Variants in PDE1A observed in about 807,000 individuals in gnomAD.
The protein encoded by PDE1A is phosphodiesterase 1A.
A neutral mutation model predicts 61.7 loss-of-function variants in PDE1A; 35 were observed. The observed-to-expected ratio is 0.57, with a 90% confidence interval of 0.43 to 0.75. PDE1A has a LOEUF of 0.75. Among genes scored for constraint, PDE1A ranks in the 30% least tolerant of loss-of-function variants. The pLI is 0.00. For missense variants in PDE1A, 597 were observed against 630.6 expected, an observed-to-expected ratio of 0.95 and a Z score of 0.57; for synonymous variants, 232 against 213.2, an observed-to-expected ratio of 1.09 and a Z score of -0.77.
intron 13 of PDE1A, among the ~76,000 whole-genome samples, chr2:182,173,258 A>G (rs1340722962): frequency 6.6e-6 from 1 of 152,060 alleles, no homozygotes; most frequent in Non-Finnish European, 1.5e-5. Context: ...AGTAGTCCAG[A>G]TGATGCTGAT....
intron 7 of PDE1A, among the ~76,000 whole-genome samples, chr2:182,215,356 C>G (rs1223991021): frequency 3.5e-5 from 4 of 112,964 alleles, no homozygotes; most frequent in Non-Finnish European, 7.2e-5. Context: ...ATTAAAAGAA[C>G]TAGAAAAGCA....
chr2:182,512,433 T>A (rs565392751), intron 2 of PDE1A, among the ~76,000 whole-genome samples: 1 of 152,186 alleles, frequency 6.6e-6, no homozygotes, highest in African/African-American at 2.4e-5. Flanking sequence ...TGAAAGAATA[T>A]AAAAGCAAAA....
chr2:182,268,371 A>G (rs768047412), intron 1 of PDE1A, among the ~76,000 whole-genome samples: 1 of 152,080 alleles, frequency 6.6e-6, no homozygotes, highest in Admixed American at 6.6e-5. Context: ...ATAAATATCT[A>G]TATATAGATA....
At chr2:182,193,574 T>G (rs1559164474) in intron 10 of PDE1A, among the ~76,000 whole-genome samples, 2 of 151,986 alleles carry the variant, frequency 1.3e-5, no homozygotes, top group South Asian at 4.1e-4. Context: ...TTTGGAAAAT[T>G]TAAGGAATTT....
chr2:182,524,217 C>T (rs1370986427), upstream of PDE1A, among the ~76,000 whole-genome samples: 3 of 152,102 alleles, frequency 2.0e-5, no homozygotes, highest in African/African-American at 7.2e-5. Flanking sequence ...TTTAATGAAA[C>T]AGTCAACAAA....
chr2:182,372,696 C>T (rs1012089991), intron 1 of PDE1A, among the ~76,000 whole-genome samples: 8 of 152,096 alleles, frequency 5.3e-5, no homozygotes, highest in Non-Finnish European at 8.8e-5. Context: ...GTCCAAATTC[C>T]AAAGTTATTC....
intron 2 of PDE1A, among the ~76,000 whole-genome samples, chr2:182,451,889 T>C (rs1235243085): frequency 6.6e-6 from 1 of 152,122 alleles, no homozygotes; most frequent in Non-Finnish European, 1.5e-5. Flanking sequence ...TTTTTCCTTT[T>C]TCTCTCATTC....
At chr2:182,334,728 T>C (rs1697668779) in intron 1 of PDE1A, among the ~76,000 whole-genome samples, 1 of 152,096 alleles carries the variant, frequency 6.6e-6, no homozygotes, top group African/African-American at 2.4e-5. Context: ...AAAAAGGATG[T>C]CCTCTTTCAC....
the PDE1A span, among the ~76,000 whole-genome samples, chr2:182,557,851 T>C: frequency 6.6e-6 from 1 of 152,198 alleles, no homozygotes; most frequent in Admixed American, 6.5e-5. Flanking sequence ...ATCCATAGCT[T>C]GAGCAAATCT....
At chr2:182,619,978 A>AT in the PDE1A span, among the ~76,000 whole-genome samples, 3 of 152,232 alleles carry the variant, frequency 2.0e-5, no homozygotes, top group South Asian at 6.2e-4. Flanking sequence ...CCCATCCATA[A>AT]GGGTAGAATC....
chr2:182,448,250 CTTCT>C (rs1685270115), intron 2 of PDE1A, among the ~76,000 whole-genome samples: 1 of 152,026 alleles, frequency 6.6e-6, no homozygotes, highest in African/African-American at 2.4e-5. Context: ...TCACTCCTTT[CTTCT>C]TTATTTTAAA....
intron 1 of PDE1A, among the ~76,000 whole-genome samples, chr2:182,281,206 T>C (rs1051463000): frequency 1.3e-5 from 2 of 151,976 alleles, no homozygotes; most frequent in African/African-American, 4.8e-5. Context: ...AATTTTGTGT[T>C]TTCATCAGTT....
the PDE1A span, among the ~76,000 whole-genome samples, chr2:182,538,541 A>G: frequency 5.9e-5 from 9 of 151,932 alleles, no homozygotes; most frequent in Admixed American, 2.6e-4. Flanking sequence ...CTATATTCTT[A>G]TTAGCCTCAT....
the PDE1A span, among the ~76,000 whole-genome samples, chr2:182,629,628 G>A: frequency 1.3e-5 from 2 of 152,158 alleles, no homozygotes; most frequent in East Asian, 3.9e-4. Flanking sequence ...CTTTTTGATG[G>A]CTACAAAATA....
At chr2:182,282,659 C>T (rs1693888021) in intron 1 of PDE1A, among the ~76,000 whole-genome samples, 1 of 151,726 alleles carries the variant, frequency 6.6e-6, no homozygotes, top group Non-Finnish European at 1.5e-5. Context: ...ATATATAATT[C>T]CAAAACTTGG....
At chr2:182,575,281 C>T in the PDE1A span, among the ~76,000 whole-genome samples, 61 of 152,118 alleles carry the variant, frequency 4.0e-4, no homozygotes, top group African/African-American at 1.4e-3. Context: ...CTGTATTCCA[C>T]GAATTCTCTT....
At chr2:182,153,847 T>G (rs1690924580) in intron 13 of PDE1A, among the ~76,000 whole-genome samples, 1 of 152,130 alleles carries the variant, frequency 6.6e-6, no homozygotes, top group African/African-American at 2.4e-5. Flanking sequence ...ATGTTGGAGA[T>G]ACTGAAGGGT....
At chr2:182,237,993 G>A (rs1211833352) in intron 3 of PDE1A, among the ~76,000 whole-genome samples, 1 of 152,094 alleles carries the variant, frequency 6.6e-6, no homozygotes, top group African/African-American at 2.4e-5. Flanking sequence ...ACTAGGCTGG[G>A]CACGGTGGCT....
At chr2:182,283,568 T>A (rs529774822) in intron 1 of PDE1A, among the ~76,000 whole-genome samples, 238 of 152,012 alleles carry the variant, frequency 1.6e-3, no homozygotes, top group African/African-American at 5.5e-3. Context: ...TGAGTTTTTT[T>A]AAAAAAAATC....
Sources: allele counts gnomAD v4.1 joint callset (sites outside exome capture counted in the v4.1 genomes callset), GRCh38; gene constraint gnomAD v4.1.1; transcripts MANE v1.5; gene names NCBI Gene and HGNC (gene_info 2026-07-23, HGNC 2026-07-21).